DPYD: variants seen among roughly 807,000 people sequenced by gnomAD.
The protein encoded by DPYD is dihydropyrimidine dehydrogenase.
In DPYD, 109 loss-of-function variants were observed where a neutral mutation model predicts 116.2. That is an observed-to-expected ratio of 0.94 (90% CI 0.80 to 1.10). The LOEUF is 1.10. Ranked by LOEUF, DPYD falls within the 50% of genes least tolerant of loss-of-function variation. The probability of loss-of-function intolerance (pLI) is 0.00; values close to 1 mark genes in which losing one functional copy is unlikely to be tolerated. For synonymous variants in DPYD, 440 were observed against 432.0 expected (o/e 1.02, Z -0.23); for missense variants, 1,302 against 1,254.5 (o/e 1.04, Z -0.57).
chr1:97,707,116 T>C (rs371367935), intron 5 of DPYD, among the ~76,000 whole-genome samples: 1 of 151,988 alleles, frequency 6.6e-6, no homozygotes, highest in Admixed American at 6.6e-5. Context: ...GTTAGAAAGG[T>C]GGGGTTTTTA....
chr1:97,838,750 C>G (rs1669898090), intron 2 of DPYD, among the ~76,000 whole-genome samples: 1 of 152,048 alleles, frequency 6.6e-6, no homozygotes. Flanking sequence ...GAGGCTGAGG[C>G]AGGAGAATGG....
chr1:97,880,313 C>G (rs569162191), intron 2 of DPYD, among the ~76,000 whole-genome samples: 3 of 151,860 alleles, frequency 2.0e-5, no homozygotes, highest in African/African-American at 7.2e-5. Flanking sequence ...TCATCAGTTA[C>G]TGGTTACTGG....
At chr1:97,373,473 A>G in intron 16 of DPYD, 88 bp downstream of exon 16, 1 of 1,125,016 alleles carries the variant, frequency 8.9e-7, no homozygotes. Flanking sequence ...TGATCCATGC[A>G]TCTCCTTGCC....
At position 97,870,068 on chromosome 1, in the gene DPYD, T is replaced by C. The variant is rs543504794; in HGVS notation, c.150+13196A>G. 1.2e-4 allele frequency among the ~76,000 whole-genome samples: 18 copies of C among 152,006 alleles called. No individual in the cohort carries two copies. The South Asian group carries it at 1.7e-3, about 14-fold the overall frequency. On this transcript the variant is annotated intron_variant, in intron 2 of 22. Transcript: ENST00000370192. ...AGTTATTGATATTTGGAGCTCCATA[T>C]TCAAATATTGATGTTGGAATTTTAA...
chr1:97,782,637 A>G (rs1666814477), intron 3 of DPYD, among the ~76,000 whole-genome samples: 1 of 152,238 alleles, frequency 6.6e-6, no homozygotes, highest in Non-Finnish European at 1.5e-5. Context: ...CACAGAAAGT[A>G]AAAGTAGTAT....
At chr1:97,728,138 T>G (rs182634011) in intron 4 of DPYD, among the ~76,000 whole-genome samples, 85 of 152,094 alleles carry the variant, frequency 5.6e-4, no homozygotes, top group Non-Finnish European at 1.1e-3. Flanking sequence ...TACAAAACAT[T>G]AAGACTTTCA....
intron 10 of DPYD, among the ~76,000 whole-genome samples, chr1:97,590,124 T>C (rs1654401191): frequency 6.6e-6 from 1 of 152,194 alleles, no homozygotes; most frequent in African/African-American, 2.4e-5. Flanking sequence ...TTTTGATGTA[T>C]ACAAAACCAA....
At chr1:97,519,273 A>T (rs1387810082) in intron 12 of DPYD, among the ~76,000 whole-genome samples, 1 of 152,150 alleles carries the variant, frequency 6.6e-6, no homozygotes, top group African/African-American at 2.4e-5. Flanking sequence ...GGCAAGGAGG[A>T]GCAAGTCACA....
intron 18 of DPYD, among the ~76,000 whole-genome samples, chr1:97,294,705 A>T (rs951159378): frequency 2.0e-5 from 3 of 152,202 alleles, no homozygotes; most frequent in African/African-American, 7.2e-5. Flanking sequence ...AGTAAGAAAT[A>T]AAGTTTTTTA....
At chr1:97,120,370 C>T (rs1484260349) in intron 20 of DPYD, among the ~76,000 whole-genome samples, 1 of 152,092 alleles carries the variant, frequency 6.6e-6, no homozygotes, top group East Asian at 1.9e-4. Context: ...CTTTCAGCGC[C>T]TTTGCCACCC....
intron 8 of DPYD, among the ~76,000 whole-genome samples, chr1:97,599,471 C>T (rs1401569455): frequency 6.6e-6 from 1 of 151,706 alleles, no homozygotes; most frequent in Non-Finnish European, 1.5e-5. Flanking sequence ...TATGGTAGGG[C>T]ATGTTTAAGA....
chr1:97,619,524 T>G (rs1656503631), intron 8 of DPYD, among the ~76,000 whole-genome samples: 1 of 152,166 alleles, frequency 6.6e-6, no homozygotes, highest in Admixed American at 6.6e-5. Flanking sequence ...CTGCTTTTCT[T>G]TCAAATGTAT....
intron 16 of DPYD, among the ~76,000 whole-genome samples, chr1:97,356,166 T>A (rs970608440): frequency 6.6e-6 from 1 of 152,204 alleles, no homozygotes; most frequent in East Asian, 1.9e-4. Context: ...TAATTTGCAT[T>A]TACCTAGTGA....
chr1:97,904,959 C>G, intron 1 of DPYD, among the ~76,000 whole-genome samples: 1 of 151,948 alleles, frequency 6.6e-6, no homozygotes, highest in Middle Eastern at 3.2e-3. Context: ...CCTGCATAGT[C>G]AATGTAATCT....
chr1:97,568,797 G>T (rs1008014268), intron 11 of DPYD, among the ~76,000 whole-genome samples: 1 of 152,026 alleles, frequency 6.6e-6, no homozygotes, highest in Non-Finnish European at 1.5e-5. Flanking sequence ...CAAGTCAAAT[G>T]CACAAATATT....
intron 16 of DPYD, among the ~76,000 whole-genome samples, chr1:97,348,674 T>A (rs1478560098): frequency 6.6e-6 from 1 of 152,132 alleles, no homozygotes; most frequent in Admixed American, 6.6e-5. Context: ...TCCTTTTATC[T>A]GGAAAATATT....
Position 97,313,491 on chromosome 1 carries a change from G to C in DPYD, c.2059-7194C>G, listed in dbSNP as rs193284365. ...CTGTATATACCTGGAATGTGTACAT[G>C]TGTGCCTGTGTGTGTGTGTGTGTGT... is the stretch of plus-strand genomic sequence containing the variant. On this transcript the variant is annotated intron_variant, in intron 16 of 22. Coordinates refer to ENST00000370192, the MANE Select transcript of DPYD (RefSeq NM_000110.4). 3.8e-3 allele frequency among the ~76,000 whole-genome samples: 409 copies of C among 108,544 alleles called. 3 individuals are homozygous for C. The highest frequency in any genetic ancestry group is 0.012 in the African/African-American group (397 of 32,876). 71.2% of individuals were successfully genotyped at this position (108,544 alleles called of 152,430 possible). A position where few individuals can be genotyped will look rare whatever the true frequency, so the allele number is the denominator to read the frequency against.
At chr1:97,545,928 G>A (rs1300433109) in intron 12 of DPYD, 6 of 1,101,476 alleles carry the variant, frequency 5.4e-6, no homozygotes, top group African/African-American at 3.1e-5. Context: ...TGAGTTTAAA[G>A]AATCAGATTG....
At chr1:97,381,884 T>C (rs1400456728) in intron 15 of DPYD, among the ~76,000 whole-genome samples, 3 of 152,250 alleles carry the variant, frequency 2.0e-5, no homozygotes, top group African/African-American at 7.2e-5. Flanking sequence ...ACCTGCTGAC[T>C]AGTGTTCCAT....
Sources: allele counts gnomAD v4.1 joint callset (sites outside exome capture counted in the v4.1 genomes callset), GRCh38; gene constraint gnomAD v4.1.1; transcripts MANE v1.5; gene names NCBI Gene and HGNC (gene_info 2026-07-23, HGNC 2026-07-21).